PCDHGB6: variants seen among roughly 807,000 people sequenced by gnomAD.
PCDHGB6 encodes protocadherin gamma subfamily B, 6, also known as protocadherin gamma-B6.
In PCDHGB6, 51 loss-of-function variants were observed where a neutral mutation model predicts 59.1. That is an observed-to-expected ratio of 0.86 (90% CI 0.69 to 1.09). The LOEUF is 1.09. Among genes scored for constraint, PCDHGB6 ranks in the 50% least tolerant of loss-of-function variants. The pLI is 0.00. For missense variants in PCDHGB6, 1,148 were observed against 1,205.1 expected, an observed-to-expected ratio of 0.95 and a Z score of 0.70; for synonymous variants, 466 against 495.1, an observed-to-expected ratio of 0.94 and a Z score of 0.78.
At chr5:141,427,056 T>C (rs1472513807) in intron 1 of PCDHGB6, 1 of 457,676 alleles carries the variant, frequency 2.2e-6, no homozygotes, top group Non-Finnish European at 4.4e-6. Flanking sequence ...CCCAGGCACC[T>C]CTGTACTAAA....
At chr5:141,425,047 A>G (rs1590618154) in intron 1 of PCDHGB6, among the ~76,000 whole-genome samples, 1 of 152,198 alleles carries the variant, frequency 6.6e-6, no homozygotes, top group Non-Finnish European at 1.5e-5. Context: ...TAAACTGACT[A>G]TCTAGGGCTC....
At position 141,491,099 on chromosome 5, in the gene PCDHGB6, T is replaced by C. The variant is rs1352561414; in HGVS notation, c.2419-3708T>C. 1 of 1,614,176 alleles carries C rather than the reference T, an allele frequency of 6.2e-7. No homozygotes were observed. ...CAGTCCACAGCCCCAGGACTGTTCC[T>C]CGTGTCTACACACACTGGTGAGGTG... On this transcript the variant is annotated intron_variant, in intron 1 of 3. Coordinates refer to ENST00000520790, the MANE Select transcript of PCDHGB6 (RefSeq NM_018926.3). The surrounding 1 kb of genome is among the most constrained non-coding windows in gnomAD (Gnocchi z 6.9).
intron 1 of PCDHGB6, among the ~76,000 whole-genome samples, chr5:141,471,107 G>T (rs1023848236): frequency 1.3e-5 from 2 of 148,554 alleles, no homozygotes; most frequent in East Asian, 2.0e-4. Context: ...AGAGTGCAGT[G>T]GTGCGATCTT....
At chr5:141,419,432 C>T (rs2096381830) in intron 1 of PCDHGB6, 1 of 1,613,278 alleles carries the variant, frequency 6.2e-7, no homozygotes, top group East Asian at 2.2e-5. Flanking sequence ...CCACGAGCAG[C>T]TGCGCACCTT....
At chr5:141,509,071 G>T (rs1209992467) in intron 3 of PCDHGB6, among the ~76,000 whole-genome samples, 1 of 152,176 alleles carries the variant, frequency 6.6e-6, no homozygotes, top group Admixed American at 6.5e-5. Flanking sequence ...CAGCTCCGGG[G>T]ATTTGCGACA....
At chr5:141,495,052 CTGTT>C (rs1406995321) in intron 2 of PCDHGB6, among the ~76,000 whole-genome samples, 187 bp downstream of exon 2, 1 of 152,190 alleles carries the variant, frequency 6.6e-6, no homozygotes, top group Non-Finnish European at 1.5e-5. Context: ...ACTGCCCTGA[CTGTT>C]CAGGAAGCTC....
In PCDHGB6 at chr5:141,415,740, GTTTTTTTTTT is replaced by G. The variant is rs57426385; in HGVS notation, c.2418+5143_2418+5152del. The G allele has an allele frequency of 4.3e-3, 2,655 of 623,934 alleles. 2 individuals carry two copies. The highest frequency in any genetic ancestry group is 4.3e-3 in the Non-Finnish European group (2,016 of 468,394). The allele number at this position is 623,934 out of a possible 1,614,324, so 38.6% of individuals were successfully genotyped here. ...TGAGTAGAATTTGATGTTTATTAAG[GTTTTTTTTTT>G]TTTTTTTTTTTTTTTTTTTTTTACT... On this transcript the variant is annotated intron_variant, in intron 1 of 3. Coordinates refer to ENST00000520790, the MANE Select transcript of PCDHGB6 (RefSeq NM_018926.3).
chr5:141,428,376 A>G (rs2097136159), intron 1 of PCDHGB6: 2 of 528,068 alleles, frequency 3.8e-6, no homozygotes, highest in African/African-American at 1.9e-5. Flanking sequence ...TGCACCTGCG[A>G]TGCTCTTCCA....
chr5:141,494,807 C>A lies in PCDHGB6; in HGVS notation c.2419C>A (p.Gln807Lys), dbSNP rs568448786. Residue 807 changes from glutamine to lysine, a missense_variant and splice_region_variant, in exon 2 of 4, where the codon CAA (glutamine) becomes AAA (lysine). Coordinates refer to ENST00000520790, the MANE Select transcript of PCDHGB6 (RefSeq NM_018926.3). ...CCCTTTCCCTCTGTTTTCTCCACAGCAAGCCCCGCCCAACACGGACTGGCG... is the reference window on the plus strand; with the variant it reads ...CCCTTTCCCTCTGTTTTCTCCACAGAAAGCCCCGCCCAACACGGACTGGCG... ...LTSHPETLTS[Q>K]APPNTDWRFS... The A allele has an allele frequency of 2.5e-5, 40 of 1,614,144 alleles. No individual in the cohort carries two copies. The South Asian group carries it at 4.0e-4, about 16-fold the overall frequency.
intron 1 of PCDHGB6, among the ~76,000 whole-genome samples, chr5:141,472,712 G>A (rs1303609397): frequency 1.3e-5 from 2 of 151,972 alleles, no homozygotes; most frequent in Admixed American, 6.6e-5. Flanking sequence ...CAGGCCAGGC[G>A]CTGTGGCTCA....
chr5:141,413,682 C>G, intron 1 of PCDHGB6: 1 of 1,613,798 alleles, frequency 6.2e-7, no homozygotes, highest in South Asian at 1.1e-5. Context: ...TGGGCGTGAA[C>G]TCCCTGCAGA....
At position 141,454,796 on chromosome 5, in the gene PCDHGB6, A is replaced by ATT. The variant is rs61612330; in HGVS notation, c.2419-39983_2419-39982dup. On this transcript the variant is annotated intron_variant, in intron 1 of 3. Coordinates refer to ENST00000520790, the MANE Select transcript of PCDHGB6 (RefSeq NM_018926.3). Reference sequence around the variant, plus strand: ...AAGGAAATAATCCTCCATGGTTCTAATTTTTTTTTTTTTTTTTTTTTTTTT... The same window carrying ATT: ...AAGGAAATAATCCTCCATGGTTCTAATTTTTTTTTTTTTTTTTTTTTTTTTTT... 6.7e-3 allele frequency among the ~76,000 whole-genome samples: 521 copies of ATT among 77,456 alleles called. 71 individuals are homozygous for ATT. The highest frequency in any genetic ancestry group is 0.017 in the Middle Eastern group (2 of 120). The allele number at this position is 77,456 out of a possible 152,430, so 50.8% of individuals were successfully genotyped here.
In PCDHGB6 at chr5:141,408,636, C is replaced by T. The variant is rs1236637669; in HGVS notation, c.434C>T (p.Ser145Phe). Reference sequence around the variant, plus strand: ...GAAATACATTTAGAAATTTTCGAATCTGCATCCGCTGGTACACGACTATCG... The same window carrying T: ...GAAATACATTTAGAAATTTTCGAATTTGCATCCGCTGGTACACGACTATCG... ...KKEIHLEIFE[S>F]ASAGTRLSLD... The change falls in exon 1 of 4, where the codon TCT (serine) becomes TTT (phenylalanine). Residue 145 changes from serine (S) to phenylalanine (F), a missense_variant. Transcript: ENST00000520790. 2 of 1,614,024 alleles carry T rather than the reference C, an allele frequency of 1.2e-6. No homozygotes were observed.
chr5:141,462,552 T>G (rs966816379), intron 1 of PCDHGB6, among the ~76,000 whole-genome samples: 4 of 152,194 alleles, frequency 2.6e-5, no homozygotes, highest in African/African-American at 9.6e-5. Context: ...TCTTCTTCAG[T>G]GTTTACTGTA....
rs765754054 is a variant in PCDHGB6 at position 141,503,598 on chromosome 5, CA to C, written c.2478-1779del. Among the ~76,000 whole-genome samples, 277 of 65,728 alleles carry C rather than the reference CA, an allele frequency of 4.2e-3. 2 individuals are homozygous for C. The highest frequency in any genetic ancestry group is 0.012 in the Middle Eastern group (1 of 86). The allele number at this position is 65,728 out of a possible 152,430, so 43.1% of individuals were successfully genotyped here. A position where few individuals can be genotyped will look rare whatever the true frequency, so the allele number is the denominator to read the frequency against. ...TGGGTGACAGAGCGAGACTCCAGCT[CA>C]AAAAAAAAAAAAAAAGAAAAAAGAA... On this transcript the variant is annotated intron_variant, in intron 2 of 3. Coordinates refer to ENST00000520790, the MANE Select transcript of PCDHGB6 (RefSeq NM_018926.3).
intron 1 of PCDHGB6, among the ~76,000 whole-genome samples, chr5:141,465,263 T>C (rs538393085): frequency 1.3e-5 from 2 of 152,326 alleles, no homozygotes; most frequent in African/African-American, 4.8e-5. Flanking sequence ...GCAATGATAC[T>C]AGCCATTTAG....
chr5:141,511,823 GC>G lies in PCDHGB6; in HGVS notation c.*653del, dbSNP rs2099883963. On this transcript the variant is annotated 3_prime_UTR_variant, in exon 4 of 4. Coordinates refer to ENST00000520790, the MANE Select transcript of PCDHGB6 (RefSeq NM_018926.3). The stretch of plus-strand genomic sequence containing the variant: ...TTTTGCTACCAAGCCTCTTCCCAAC[GC>G]CCTGGGGACCAGTCTTCTGTTTTGT... The G allele has an allele frequency of 6.4e-6, 1 of 156,728 alleles. No individual in the cohort carries two copies. The highest frequency in any genetic ancestry group is 1.9e-4 in the South Asian group (1 of 5,164). 9.7% of individuals were successfully genotyped at this position (156,728 alleles called of 1,614,324 possible).
Position 141,489,368 on chromosome 5 carries a change from C to T in PCDHGB6, c.2419-5439C>T, listed in dbSNP as rs889945954. The T allele has an allele frequency of 1.2e-5, 20 of 1,613,264 alleles. No homozygotes were observed. The highest frequency in any genetic ancestry group is 1.6e-5 in the Non-Finnish European group (19 of 1,179,484). On this transcript the variant is annotated intron_variant, in intron 1 of 3. Transcript: ENST00000520790. The surrounding 1 kb of genome is among the most constrained non-coding windows in gnomAD (Gnocchi z 4.5). The stretch of plus-strand genomic sequence containing the variant: ...GTGGTGGAGGAGTCTGAGCCGGGGA[C>T]GCTGGTGGGGAATGTTGCTCAGGAT...
intron 3 of PCDHGB6, among the ~76,000 whole-genome samples, chr5:141,509,066 C>A (rs1215686419): frequency 6.6e-6 from 1 of 152,172 alleles, no homozygotes; most frequent in Non-Finnish European, 1.5e-5. Context: ...GCTCTCAGCT[C>A]CGGGGATTTG....
Sources: gnomAD v4.1 joint callset for allele counts (sites outside exome capture counted in the v4.1 genomes callset) on GRCh38, gnomAD v4.1.1 for gene constraint, Gnocchi (gnomAD v3.1) non-coding constraint, MANE v1.5 for transcripts, NCBI Gene and HGNC (gene_info 2026-07-23, HGNC 2026-07-21) for gene names.